Variants in SDK1 observed in about 807,000 individuals in gnomAD.
SDK1 encodes sidekick cell adhesion molecule 1, also known as protein sidekick-1.
In SDK1, 157 loss-of-function variants were observed where a neutral mutation model predicts 245.5. The observed-to-expected ratio is 0.64, with a 90% confidence interval of 0.56 to 0.73. The LOEUF (loss-of-function observed/expected upper bound fraction) is 0.73. Ranked by LOEUF, SDK1 falls within the 30% of genes least tolerant of loss-of-function variation. The probability of loss-of-function intolerance (pLI) is 0.00; values close to 1 mark genes in which losing one functional copy is unlikely to be tolerated. For synonymous variants in SDK1, 1,647 were observed against 1,278.5 expected (o/e 1.29, Z -6.15); for missense variants, 3,583 against 3,002.3 (o/e 1.19, Z -4.52).
At chr7:3,979,436 C>A (rs116098493) in intron 13 of SDK1, among the ~76,000 whole-genome samples, 3 of 152,126 alleles carry the variant, frequency 2.0e-5, no homozygotes, top group South Asian at 4.1e-4. Flanking sequence ...ACACTAGACT[C>A]GAGATGTGTC....
intron 11 of SDK1, among the ~76,000 whole-genome samples, chr7:3,970,829 T>C (rs887358451): frequency 6.6e-6 from 1 of 152,192 alleles, no homozygotes; most frequent in Non-Finnish European, 1.5e-5. Context: ...AGGCTTGCCC[T>C]CGAACTTAGC....
intron 35 of SDK1, among the ~76,000 whole-genome samples, chr7:4,205,243 G>T (rs1162258508): frequency 6.6e-6 from 1 of 152,158 alleles, no homozygotes; most frequent in Non-Finnish European, 1.5e-5. Flanking sequence ...CTGTGTATCT[G>T]GACGAACTTC....
chr7:3,627,446 C>G (rs150078851), intron 2 of SDK1, among the ~76,000 whole-genome samples: 1 of 152,136 alleles, frequency 6.6e-6, no homozygotes, highest in Admixed American at 6.5e-5. Flanking sequence ...CTGGCCTAGT[C>G]AATGAGCAGA....
Position 4,178,507 on chromosome 7 carries a change from T to C in SDK1, c.5019T>C (p.Tyr1673=). The change falls in exon 35 of 45, where the codon TAT becomes TAC. Residue 1673 remains tyrosine, a synonymous_variant. Transcript: ENST00000404826. ...ELTHLKKYRR[Y]EVIMTAYNII... ...CAGATTTAAAGAAGTACCGGCGCTA[T>C]GAAGTAATAATGACCGCCTATAACA... The C allele has an allele frequency of 2.5e-6, 4 of 1,613,688 alleles. No homozygotes were observed. The highest frequency in any genetic ancestry group is 3.4e-6 in the Non-Finnish European group (4 of 1,179,666).
At chr7:3,364,963 A>G (rs1157483659) in intron 1 of SDK1, among the ~76,000 whole-genome samples, 2 of 152,322 alleles carry the variant, frequency 1.3e-5, no homozygotes, top group East Asian at 3.9e-4. Flanking sequence ...AGTTTTCAGT[A>G]TATGAGTCCT....
rs762533739 is a variant in SDK1 at position 4,265,293 on chromosome 7, C to A, written c.6551C>A (p.Pro2184Gln). The A allele has an allele frequency of 2.5e-6, 4 of 1,581,720 alleles. No homozygotes were observed. The highest frequency in any genetic ancestry group is 3.5e-5 in the Admixed American group (2 of 57,672). Reference sequence around the variant, plus strand: ...TCCGAGGCGGGCGCGCAGCTGCACCCGGTCATCACCACGCAGAGCGCGGGC... The same window carrying A: ...TCCGAGGCGGGCGCGCAGCTGCACCAGGTCATCACCACGCAGAGCGCGGGC... ...AGSEAGAQLHPVITTQSAGGV... is the reference protein window; with the variant it reads ...AGSEAGAQLHQVITTQSAGGV... Residue 2184 changes from proline (P) to glutamine (Q), a missense_variant, in exon 45 of 45, where the codon CCG becomes CAG. Pro to Gln is a moderately conservative substitution (Grantham distance 76). Transcript: ENST00000404826.
chr7:3,654,292 G>A (rs1231754195), intron 4 of SDK1, among the ~76,000 whole-genome samples: 1 of 152,118 alleles, frequency 6.6e-6, no homozygotes, highest in African/African-American at 2.4e-5. Flanking sequence ...TCTTATCCTG[G>A]GGCAAATTAG....
At chr7:3,769,609 G>A (rs988598528) in intron 4 of SDK1, among the ~76,000 whole-genome samples, 1 of 152,016 alleles carries the variant, frequency 6.6e-6, no homozygotes, top group African/African-American at 2.4e-5. Context: ...AAGCCATAGC[G>A]GTGACATCTT....
Position 3,746,634 on chromosome 7 carries a change from C to G in SDK1, c.714-74816C>G, listed in dbSNP as rs112994134. Reference sequence around the variant, plus strand: ...CCACCAGGAGTAGGTTCCATCTTAACACATCATTTTCTTTGCTTATCCATA... The same window carrying G: ...CCACCAGGAGTAGGTTCCATCTTAAGACATCATTTTCTTTGCTTATCCATA... On this transcript the variant is annotated intron_variant, in intron 4 of 44. Transcript: ENST00000404826. 4.6e-3 allele frequency among the ~76,000 whole-genome samples: 694 copies of G among 152,320 alleles called. 10 individuals carry two copies. The highest frequency in any genetic ancestry group is 0.015 in the African/African-American group (643 of 41,564).
chr7:3,974,805 A>AT (rs1239489450), intron 13 of SDK1: 1 of 397,498 alleles, frequency 2.5e-6, no homozygotes, highest in East Asian at 4.7e-5. Flanking sequence ...TTTTTGTCAT[A>AT]TTTTTCCCGT....
intron 35 of SDK1, among the ~76,000 whole-genome samples, chr7:4,201,470 A>G (rs899005883): frequency 6.6e-6 from 1 of 152,266 alleles, no homozygotes; most frequent in African/African-American, 2.4e-5. Context: ...AAAAAATCAT[A>G]TAAAGAAAAT....
chr7:3,934,946 G>T (rs902903053), intron 5 of SDK1, among the ~76,000 whole-genome samples: 1 of 152,176 alleles, frequency 6.6e-6, no homozygotes, highest in African/African-American at 2.4e-5. Context: ...ACTGTGCAAA[G>T]CCCCTTCGGT....
intron 17 of SDK1, among the ~76,000 whole-genome samples, chr7:4,034,487 T>A (rs1788073947): frequency 6.6e-6 from 1 of 152,226 alleles, no homozygotes; most frequent in Admixed American, 6.5e-5. Flanking sequence ...TTTTAATGTC[T>A]TTATACAATT....
At chr7:4,239,650 C>G (rs1404702195) in intron 42 of SDK1, among the ~76,000 whole-genome samples, 1 of 152,180 alleles carries the variant, frequency 6.6e-6, no homozygotes, top group African/African-American at 2.4e-5. Context: ...AGGAGTGAGC[C>G]ACGCACGGCG....
intron 1 of SDK1, among the ~76,000 whole-genome samples, chr7:3,321,381 G>A (rs1339095692): frequency 1.3e-5 from 2 of 152,142 alleles, no homozygotes; most frequent in Non-Finnish European, 2.9e-5. Flanking sequence ...CTTGTGAGCT[G>A]CGAACTTTGT....
At chr7:3,723,317 T>C (rs531302316) in intron 4 of SDK1, among the ~76,000 whole-genome samples, 38 of 152,332 alleles carry the variant, frequency 2.5e-4, no homozygotes, top group African/African-American at 9.1e-4. Flanking sequence ...GGCAGCACTT[T>C]CCTGAAAGAA....
intron 1 of SDK1, among the ~76,000 whole-genome samples, chr7:3,440,926 A>G (rs764274478): frequency 1.3e-5 from 2 of 152,190 alleles, no homozygotes; most frequent in African/African-American, 2.4e-5. Context: ...CATTCAGCCT[A>G]TATGACGACT....
chr7:3,369,804 G>C (rs192227897), intron 1 of SDK1, among the ~76,000 whole-genome samples: 1 of 152,176 alleles, frequency 6.6e-6, no homozygotes, highest in Non-Finnish European at 1.5e-5. Flanking sequence ...GAAATGTGTG[G>C]TAGATTTTTC....
chr7:4,066,455 A>G (rs1459704095), intron 19 of SDK1, among the ~76,000 whole-genome samples: 1 of 152,174 alleles, frequency 6.6e-6, no homozygotes. Flanking sequence ...TTTGCTCGTA[A>G]GACGCCAGCC....
Sources: allele counts gnomAD v4.1 joint callset (sites outside exome capture counted in the v4.1 genomes callset), GRCh38; gene constraint gnomAD v4.1.1; transcripts MANE v1.5; gene names NCBI Gene and HGNC (gene_info 2026-07-23, HGNC 2026-07-21).